The following SPAG16 variants were observed in gnomAD, a reference collection of about 807,000 sequenced individuals.
SPAG16 encodes the protein sperm-associated antigen 16 protein.
In SPAG16, 86 loss-of-function variants were observed where a neutral mutation model predicts 80.4. The observed-to-expected ratio is 1.07, with a 90% CI of 0.90 to 1.28. SPAG16 has a LOEUF of 1.28. Among genes scored for constraint, SPAG16 ranks in the 50% most tolerant of loss-of-function variants. The probability of loss-of-function intolerance (pLI) is 0.00; values close to 1 mark genes in which losing one functional copy is unlikely to be tolerated. For missense variants in SPAG16, 870 were observed against 765.3 expected (o/e 1.14, Z -1.61); for synonymous variants, 294 against 265.9 (o/e 1.11, Z -1.03).
At chr2:213,946,303 C>T (rs191624632) in intron 12 of SPAG16, among the ~76,000 whole-genome samples, 7 of 152,218 alleles carry the variant, frequency 4.6e-5, no homozygotes, top group Admixed American at 2.6e-4. Flanking sequence ...TGAATAGAGA[C>T]GGGGTTTTAC....
rs567519623 is a variant in SPAG16 at position 214,313,708 on chromosome 2, C to T, written c.1721-96432C>T. Among the ~76,000 whole-genome samples, 15 of 152,108 alleles carry T rather than the reference C, an allele frequency of 9.9e-5. 1 individual carries two copies. The highest frequency in any genetic ancestry group is 3.4e-4 in the African/African-American group (14 of 41,542). On this transcript the variant is annotated intron_variant, in intron 15 of 15. Transcript: ENST00000331683. ...TTGCAATTCTTCTATCCATATTCTT[C>T]TCCAAGTTCTTTGGTTTTATTTCCA...
chr2:213,323,751 T>TA lies in SPAG16; in HGVS notation c.536+6403dup, dbSNP rs1031208148. On this transcript the variant is annotated intron_variant, in intron 5 of 15. Coordinates refer to ENST00000331683, the MANE Select transcript of SPAG16 (RefSeq NM_024532.5). ...AAATGTTCATTGACAGATGAATGGG[T>TA]AAAAAAAATATGGTACATTCATGCA... is the stretch of plus-strand genomic sequence containing the variant. 5.9e-5 allele frequency among the ~76,000 whole-genome samples: 9 copies of TA among 151,888 alleles called. 1 individual carries two copies. Among genetic ancestry groups the TA allele is most frequent in the South Asian group, 4.2e-4 (2 of 4,812 alleles).
chr2:213,396,933 A>G (rs2200758), intron 9 of SPAG16, among the ~76,000 whole-genome samples: 39,849 of 152,030 alleles, frequency 0.26, 6,081 homozygotes, highest in Middle Eastern at 0.44. Flanking sequence ...TGACTCCCCA[A>G]ACCCTTTCTT....
rs148744165 is a variant in SPAG16 at position 213,399,509 on chromosome 2, A to C, written c.942+24390A>C. Among the ~76,000 whole-genome samples the C allele has an allele frequency of 6.6e-5, 10 of 152,164 alleles. No individual in the cohort carries two copies. In the East Asian group the frequency reaches 1.7e-3, roughly 26 times the overall value. On this transcript the variant is annotated intron_variant, in intron 9 of 15. Transcript: ENST00000331683. ...GTAAACATTCTCTTTCATTCCTGGA[A>C]TAAAACTAATGTATTCATCATGTGT...
At chr2:213,857,730 A>T (rs910186232) in intron 10 of SPAG16, among the ~76,000 whole-genome samples, 12 of 152,200 alleles carry the variant, frequency 7.9e-5, no homozygotes, top group African/African-American at 2.4e-4. Context: ...CTTATTTTTT[A>T]AAAACTATAT....
At chr2:213,418,696 C>G (rs2069410113) in intron 9 of SPAG16, among the ~76,000 whole-genome samples, 1 of 152,058 alleles carries the variant, frequency 6.6e-6, no homozygotes, top group African/African-American at 2.4e-5. Flanking sequence ...TCCTGTAATG[C>G]TTCAGGATTA....
At chr2:213,883,353 C>T (rs1013474809) in intron 11 of SPAG16, among the ~76,000 whole-genome samples, 1 of 151,940 alleles carries the variant, frequency 6.6e-6, no homozygotes, top group South Asian at 2.1e-4. Flanking sequence ...ATTTTTATTG[C>T]TCTGTTGTCT....
chr2:213,648,362 G>A (rs2062899207), intron 10 of SPAG16, among the ~76,000 whole-genome samples: 1 of 152,132 alleles, frequency 6.6e-6, no homozygotes, highest in South Asian at 2.1e-4. Flanking sequence ...TCTATAGTTT[G>A]TATAACAAAA....
intron 5 of SPAG16, among the ~76,000 whole-genome samples, chr2:213,321,256 A>G (rs1454302929): frequency 6.6e-6 from 1 of 152,102 alleles, no homozygotes; most frequent in African/African-American, 2.4e-5. Flanking sequence ...CAGCTATAAA[A>G]TTAATATTTA....
chr2:214,057,998 T>TA (rs535827605), intron 13 of SPAG16, among the ~76,000 whole-genome samples: 4 of 151,938 alleles, frequency 2.6e-5, no homozygotes, highest in South Asian at 4.2e-4. Context: ...AGCTTTGGCT[T>TA]AAAAAAAATG....
chr2:213,706,130 C>A (rs2065742697), intron 10 of SPAG16, among the ~76,000 whole-genome samples: 1 of 152,124 alleles, frequency 6.6e-6, no homozygotes, highest in South Asian at 2.1e-4. Context: ...TTGTGCACAA[C>A]CACAGCAGAG....
chr2:214,296,724 A>C (rs1304184954), intron 15 of SPAG16, among the ~76,000 whole-genome samples: 4 of 152,068 alleles, frequency 2.6e-5, no homozygotes, highest in Admixed American at 6.6e-5. Context: ...TTGCCCACTG[A>C]TAATAGTTTG....
chr2:213,709,485 A>G (rs2065892660), intron 10 of SPAG16, among the ~76,000 whole-genome samples: 1 of 152,240 alleles, frequency 6.6e-6, no homozygotes, highest in East Asian at 1.9e-4. Context: ...AAAGTTTTAA[A>G]TTATGTTTCA....
At chr2:214,122,743 G>A (rs999150231) in intron 14 of SPAG16, among the ~76,000 whole-genome samples, 4 of 151,794 alleles carry the variant, frequency 2.6e-5, no homozygotes, top group African/African-American at 9.7e-5. Flanking sequence ...ATTGATATTT[G>A]ATGTCAGTTC....
chr2:213,694,774 T>C (rs1437940762), intron 10 of SPAG16, among the ~76,000 whole-genome samples: 1 of 131,994 alleles, frequency 7.6e-6, no homozygotes, highest in Non-Finnish European at 1.8e-5. Flanking sequence ...CTCTTTTCCT[T>C]CTTTCCTTCC....
At chr2:213,484,108 G>A (rs1223532921) in intron 9 of SPAG16, among the ~76,000 whole-genome samples, 1 of 151,716 alleles carries the variant, frequency 6.6e-6, no homozygotes, top group African/African-American at 2.4e-5. Flanking sequence ...TATCTTATAT[G>A]AGTCAAAGTT....
At chr2:213,727,206 G>A (rs2066806334) in intron 10 of SPAG16, among the ~76,000 whole-genome samples, 1 of 152,080 alleles carries the variant, frequency 6.6e-6, no homozygotes, top group Non-Finnish European at 1.5e-5. Context: ...TGCCTTTACT[G>A]TTTCAATCAA....
At chr2:214,012,283 T>TAC (rs2047336515) in intron 12 of SPAG16, among the ~76,000 whole-genome samples, 1 of 54,410 alleles carries the variant, frequency 1.8e-5, no homozygotes, top group African/African-American at 9.1e-5. Flanking sequence ...TATATATATA[T>TAC]ATATATTTTT....
At chr2:213,860,086 A>T (rs2075356694) in intron 10 of SPAG16, among the ~76,000 whole-genome samples, 1 of 152,026 alleles carries the variant, frequency 6.6e-6, no homozygotes. Context: ...TTTCTGGTCC[A>T]TAGCCCTTAA....
Sources: gnomAD v4.1 joint callset for allele counts (sites outside exome capture counted in the v4.1 genomes callset) on GRCh38, gnomAD v4.1.1 for gene constraint, MANE v1.5 for transcripts, NCBI Gene and HGNC (gene_info 2026-07-23, HGNC 2026-07-21) for gene names.